Variants in FSTL5 observed in about 807,000 individuals in gnomAD.
FSTL5 encodes follistatin-related protein 5.
Under a neutral mutation model 89.1 loss-of-function variants are expected in FSTL5, and 62 were observed. The ratio of observed to expected loss-of-function variants is 0.70; its 90% CI spans 0.57 to 0.86. FSTL5 has a LOEUF of 0.86. Among genes scored for constraint, FSTL5 ranks in the 40% least tolerant of loss-of-function variants. The probability of loss-of-function intolerance (pLI) is 0.00; values close to 1 mark genes in which losing one functional copy is unlikely to be tolerated. For missense variants in FSTL5, 1,057 were observed against 1,001.6 expected, an observed-to-expected ratio of 1.06 and a Z score of -0.75; for synonymous variants, 383 against 346.2, an observed-to-expected ratio of 1.11 and a Z score of -1.18.
At chr4:162,140,720 A>G (rs1269126616) in intron 1 of FSTL5, among the ~76,000 whole-genome samples, 5 of 152,162 alleles carry the variant, frequency 3.3e-5, no homozygotes, top group African/African-American at 1.2e-4. Flanking sequence ...TAATCGATGT[A>G]GAAATAGCGC....
At chr4:161,455,891 A>C (rs1380878884) in intron 14 of FSTL5, among the ~76,000 whole-genome samples, 1 of 152,134 alleles carries the variant, frequency 6.6e-6, no homozygotes, top group African/African-American at 2.4e-5. Context: ...TACTTTCTAC[A>C]TATGGCCATC....
chr4:162,054,996 C>T (rs79227689), intron 2 of FSTL5, among the ~76,000 whole-genome samples: 16,662 of 151,840 alleles, frequency 0.11, 929 homozygotes, highest in Non-Finnish European at 0.12. Context: ...AACTCTGTGA[C>T]AAATGGTGCT....
At chr4:162,160,434 CTGTT>C (rs1033404881) in intron 1 of FSTL5, among the ~76,000 whole-genome samples, 2 of 151,788 alleles carry the variant, frequency 1.3e-5, no homozygotes, top group Non-Finnish European at 3.0e-5. Flanking sequence ...GTGATTAACT[CTGTT>C]TGGTAAAGGA....
chr4:161,921,643 A>G lies in FSTL5; in HGVS notation c.161-991T>C, dbSNP rs976791558. Among the ~76,000 whole-genome samples, 68 of 152,102 alleles carry G rather than the reference A, an allele frequency of 4.5e-4. 1 individual carries two copies. The highest frequency in any genetic ancestry group is 1.5e-4 in the Non-Finnish European group (10 of 67,986). The stretch of plus-strand genomic sequence containing the variant: ...AGTTACAGTAATTTTTTGAGTAGTT[A>G]GTATGTATTAATATTCTCAGCTGTT... On this transcript the variant is annotated intron_variant, in intron 3 of 15. Transcript: ENST00000306100.
chr4:161,588,760 G>T (rs1384276377), intron 7 of FSTL5, among the ~76,000 whole-genome samples: 1 of 152,108 alleles, frequency 6.6e-6, no homozygotes, highest in Admixed American at 6.6e-5. Flanking sequence ...CTCCACAGCT[G>T]CATGGTGGCC....
chr4:162,065,622 T>C (rs1738869165), intron 2 of FSTL5, among the ~76,000 whole-genome samples: 1 of 151,952 alleles, frequency 6.6e-6, no homozygotes, highest in South Asian at 2.1e-4. Flanking sequence ...TGAAGATAAG[T>C]TGGTATAGCC....
chr4:162,097,551 G>T (rs1370778942), intron 2 of FSTL5, among the ~76,000 whole-genome samples: 2 of 151,832 alleles, frequency 1.3e-5, no homozygotes, highest in South Asian at 4.1e-4. Context: ...TATAAATGAT[G>T]TAAGTATTCC....
chr4:161,778,337 A>G (rs1052670880), intron 4 of FSTL5, among the ~76,000 whole-genome samples: 2 of 152,178 alleles, frequency 1.3e-5, no homozygotes, highest in African/African-American at 4.8e-5. Context: ...GTTAGTTGAG[A>G]TTTTTTATAA....
At chr4:161,868,878 C>T (rs546085577) in intron 4 of FSTL5, among the ~76,000 whole-genome samples, 19 of 152,178 alleles carry the variant, frequency 1.2e-4, no homozygotes, top group Admixed American at 2.0e-4. Flanking sequence ...TTTAGAAAGC[C>T]GTATCCTTAT....
chr4:161,887,316 T>TG (rs1579169274), intron 4 of FSTL5, among the ~76,000 whole-genome samples: 1 of 152,162 alleles, frequency 6.6e-6, no homozygotes, highest in East Asian at 1.9e-4. Flanking sequence ...AATTCAGTCA[T>TG]ATCTCTAGGA....
At chr4:162,152,845 G>T (rs992950196) in intron 1 of FSTL5, among the ~76,000 whole-genome samples, 2 of 148,494 alleles carry the variant, frequency 1.3e-5, no homozygotes, top group African/African-American at 4.9e-5. Flanking sequence ...AACATGCTCT[G>T]TATAGTATGT....
At chr4:161,859,622 A>G (rs1458752942) in intron 4 of FSTL5, among the ~76,000 whole-genome samples, 5 of 152,362 alleles carry the variant, frequency 3.3e-5, no homozygotes, top group African/African-American at 1.2e-4. Context: ...CAGCTATGTA[A>G]AACGTAGAGT....
At chr4:161,892,310 T>C (rs1165509548) in intron 4 of FSTL5, among the ~76,000 whole-genome samples, 1 of 152,078 alleles carries the variant, frequency 6.6e-6, no homozygotes, top group Non-Finnish European at 1.5e-5. Context: ...CTCATTTTGT[T>C]ATTTAAGGTT....
intron 2 of FSTL5, among the ~76,000 whole-genome samples, chr4:162,064,499 A>C (rs1020391889): frequency 2.0e-5 from 3 of 152,032 alleles, no homozygotes; most frequent in Non-Finnish European, 4.4e-5. Context: ...GAAAAAAGGT[A>C]AAAAGTAGTT....
intron 4 of FSTL5, among the ~76,000 whole-genome samples, chr4:161,810,059 G>T (rs1730090270): frequency 6.6e-6 from 1 of 152,016 alleles, no homozygotes; most frequent in Admixed American, 6.6e-5. Flanking sequence ...GTCTCATTAA[G>T]ACAGGAACAA....
At chr4:162,054,254 GAAT>G (rs1738469935) in intron 2 of FSTL5, among the ~76,000 whole-genome samples, 1 of 151,592 alleles carries the variant, frequency 6.6e-6, no homozygotes, top group East Asian at 1.9e-4. Context: ...TGAAAAATAT[GAAT>G]AAATTAGCAA....
At chr4:161,646,825 G>T (rs1332429871) in intron 7 of FSTL5, among the ~76,000 whole-genome samples, 1 of 152,060 alleles carries the variant, frequency 6.6e-6, no homozygotes, top group Non-Finnish European at 1.5e-5. Context: ...TTTTAATCAG[G>T]TTACTATTGT....
chr4:161,614,235 T>C (rs1193314542), intron 7 of FSTL5, among the ~76,000 whole-genome samples: 1 of 152,140 alleles, frequency 6.6e-6, no homozygotes, highest in African/African-American at 2.4e-5. Flanking sequence ...AAAGCTTAGG[T>C]TTCTGTATGA....
chr4:161,478,850 C>T (rs968469332), intron 13 of FSTL5, among the ~76,000 whole-genome samples: 1 of 151,852 alleles, frequency 6.6e-6, no homozygotes, highest in Admixed American at 6.6e-5. Context: ...TCAGTTTCTC[C>T]ACAGCAATAA....
Sources: gnomAD v4.1 joint callset for allele counts (sites outside exome capture counted in the v4.1 genomes callset) on GRCh38, gnomAD v4.1.1 for gene constraint, MANE v1.5 for transcripts, NCBI Gene and HGNC (gene_info 2026-07-23, HGNC 2026-07-21) for gene names.